The following NXN variants were observed in gnomAD, a reference collection of about 807,000 sequenced individuals.
NXN encodes the protein nucleoredoxin.
NXN carries 16 observed loss-of-function variants against 48.6 expected under a neutral mutation model. The observed-to-expected ratio is 0.33, with a 90% CI of 0.22 to 0.50. NXN has a LOEUF of 0.50. NXN is among the 20% of genes least tolerant of loss of function. The pLI is 0.98. For missense variants in NXN, 492 were observed against 605.5 expected (o/e 0.81, Z 1.97); for synonymous variants, 281 against 269.6 (o/e 1.04, Z -0.41).
At chr17:974,641 T>C (rs1370722948) in intron 1 of NXN, among the ~76,000 whole-genome samples, 1 of 151,622 alleles carries the variant, frequency 6.6e-6, no homozygotes, top group Non-Finnish European at 1.5e-5. Flanking sequence ...ACACAGCTAA[T>C]AAACGGCAGA....
intron 5 of NXN, among the ~76,000 whole-genome samples, chr17:806,227 A>G (rs191671632): frequency 4.6e-5 from 1 of 21,780 alleles, no homozygotes; most frequent in East Asian, 2.3e-3. Context: ...GCACCCCAGC[A>G]CAACCCCCTC....
chr17:819,634 G>A lies in NXN; in HGVS notation c.714-89C>T, dbSNP rs1398762856. On this transcript the variant is annotated intron_variant, in intron 4 of 7. Coordinates refer to ENST00000336868, the MANE Select transcript of NXN (RefSeq NM_022463.5). ...CCACCTCTGCCGAGTTCTGCCCAGGGATTCTGCAGAAGCCGGGGTTTCTAA... is the reference window on the plus strand; with the variant it reads ...CCACCTCTGCCGAGTTCTGCCCAGGAATTCTGCAGAAGCCGGGGTTTCTAA... The A allele has an allele frequency of 5.4e-6, 5 of 931,326 alleles. No individual in the cohort carries two copies. In the Admixed American group the frequency reaches 1.2e-4, roughly 22 times the overall value. 57.7% of individuals were successfully genotyped at this position (931,326 alleles called of 1,614,324 possible).
intron 1 of NXN, among the ~76,000 whole-genome samples, chr17:831,668 TTTTGTA>T (rs1426143356): frequency 6.6e-6 from 1 of 151,530 alleles, no homozygotes; most frequent in Admixed American, 6.6e-5. Context: ...CCTGGCTAAT[TTTTGTA>T]TTTTTATTAG....
chr17:941,269 C>A (rs1237646714), intron 1 of NXN, among the ~76,000 whole-genome samples: 28 of 144,258 alleles, frequency 1.9e-4, no homozygotes, highest in African/African-American at 6.9e-4. Context: ...CAGGGTGCAG[C>A]CATGAATTCA....
intron 1 of NXN, among the ~76,000 whole-genome samples, chr17:934,952 A>G (rs182056427): frequency 6.6e-6 from 1 of 151,908 alleles, no homozygotes; most frequent in East Asian, 1.9e-4. Flanking sequence ...GCTGCCACTC[A>G]TTATTGCATC....
intron 1 of NXN, among the ~76,000 whole-genome samples, chr17:955,430 G>A (rs1186922401): frequency 6.7e-6 from 1 of 149,200 alleles, no homozygotes; most frequent in Non-Finnish European, 1.5e-5. Context: ...TCGGCCTCCC[G>A]AAGTGCTGGG....
chr17:909,529 T>C (rs1360345850), intron 1 of NXN: 4 of 120,086 alleles, frequency 3.3e-5, no homozygotes, highest in Non-Finnish European at 6.5e-5. Flanking sequence ...CCAAAGGAAA[T>C]GAATTTTTTT....
chr17:948,730 C>T (rs1019668820), intron 1 of NXN, among the ~76,000 whole-genome samples: 1 of 151,892 alleles, frequency 6.6e-6, no homozygotes. Flanking sequence ...CCCCAGCGCT[C>T]GGAGGCTGAG....
intron 1 of NXN, chr17:959,424 T>C (rs529477636): frequency 2.1e-4 from 40 of 193,294 alleles, no homozygotes; most frequent in African/African-American, 7.7e-4. Context: ...GCCTGAGGAC[T>C]CCAGACTGGG....
chr17:912,887 G>C (rs2068650306), intron 1 of NXN, among the ~76,000 whole-genome samples: 1 of 152,080 alleles, frequency 6.6e-6, no homozygotes, highest in Non-Finnish European at 1.5e-5. Flanking sequence ...CCGGGAGATG[G>C]AGCTTGCAGT....
intron 1 of NXN, among the ~76,000 whole-genome samples, chr17:852,791 A>T (rs945294236): frequency 1.3e-5 from 2 of 152,132 alleles, no homozygotes; most frequent in East Asian, 3.9e-4. Flanking sequence ...TCCCTCCAGC[A>T]CAAATCGCAA....
At chr17:810,303 C>CA (rs1365640425) in intron 5 of NXN, among the ~76,000 whole-genome samples, 14 of 95,424 alleles carry the variant, frequency 1.5e-4, no homozygotes, top group African/African-American at 4.9e-4. Context: ...CGTTACGAGT[C>CA]TGTGAGTGGT....
Position 920,686 on chromosome 17 carries a change from C to G in NXN, c.360+58633G>C, listed in dbSNP as rs1432274674. 6.6e-6 allele frequency among the ~76,000 whole-genome samples: 1 copy of G among 151,836 alleles called. No individual in the cohort carries two copies. Among genetic ancestry groups the G allele is most frequent in the Non-Finnish European group, 1.5e-5 (1 of 67,968 alleles). ...TTCATACCGCCTTGCCAATCGCCCT[C>G]AAAATCACCTGGAAGATTCCACCGT... On this transcript the variant is annotated intron_variant, in intron 1 of 7. Coordinates refer to ENST00000336868, the MANE Select transcript of NXN (RefSeq NM_022463.5). This position sits in a 1 kb window ranked among gnomAD's most constrained non-coding sequence, Gnocchi z 4.6.
At chr17:876,972 C>T (rs867955233) in intron 1 of NXN, among the ~76,000 whole-genome samples, 1 of 151,694 alleles carries the variant, frequency 6.6e-6, no homozygotes. Flanking sequence ...GGTGTGAACT[C>T]GGGAGGCTGA....
At chr17:855,304 T>C (rs1231550444) in intron 1 of NXN, among the ~76,000 whole-genome samples, 1 of 152,126 alleles carries the variant, frequency 6.6e-6, no homozygotes, top group Admixed American at 6.6e-5. Context: ...AATTCTCATA[T>C]ACTAACAAAG....
intron 1 of NXN, among the ~76,000 whole-genome samples, chr17:883,034 G>A (rs868865517): frequency 3.9e-5 from 6 of 152,196 alleles, no homozygotes; most frequent in Non-Finnish European, 8.8e-5. Context: ...GATTACAGGC[G>A]TGAGCCCCCG....
intron 1 of NXN, among the ~76,000 whole-genome samples, chr17:874,570 C>A (rs901810548): frequency 7.9e-5 from 12 of 152,036 alleles, no homozygotes; most frequent in Admixed American, 7.9e-4. Flanking sequence ...GGTGACAGAG[C>A]GAGACTCTGT....
At chr17:971,709 CAA>C (rs1275705137) in intron 1 of NXN, among the ~76,000 whole-genome samples, 1 of 138,034 alleles carries the variant, frequency 7.2e-6, no homozygotes, top group Non-Finnish European at 1.6e-5. Context: ...GACTCCATCT[CAA>C]AAAAAAAAAA....
chr17:908,265 C>T (rs1300465085), intron 1 of NXN, among the ~76,000 whole-genome samples: 5 of 152,084 alleles, frequency 3.3e-5, no homozygotes, highest in South Asian at 2.1e-4. Context: ...TAGCCGGGCA[C>T]GGTCGTTCAC....
Sources: allele counts gnomAD v4.1 joint callset (sites outside exome capture counted in the v4.1 genomes callset), GRCh38; gene constraint gnomAD v4.1.1; non-coding constraint Gnocchi (gnomAD v3.1); transcripts MANE v1.5; gene names NCBI Gene and HGNC (gene_info 2026-07-23, HGNC 2026-07-21).